The following GAS7 variants were observed in gnomAD, a reference collection of about 807,000 sequenced individuals.
GAS7 encodes growth arrest specific 7.
A neutral mutation model predicts 71.1 loss-of-function variants in GAS7; 28 were observed. The ratio of observed to expected loss-of-function variants is 0.39; its 90% CI spans 0.29 to 0.54. GAS7 has a LOEUF of 0.54. Ranked by LOEUF, GAS7 falls within the 20% of genes least tolerant of loss-of-function variation. The probability of loss-of-function intolerance (pLI) is 0.62; values close to 1 mark genes in which losing one functional copy is unlikely to be tolerated. For synonymous variants in GAS7, 258 were observed against 245.8 expected (o/e 1.05, Z -0.46); for missense variants, 436 against 627.8 (o/e 0.69, Z 3.27).
At chr17:9,928,303 T>C (rs573821406) in intron 9 of GAS7, among the ~76,000 whole-genome samples, 1 of 151,362 alleles carries the variant, frequency 6.6e-6, no homozygotes, top group Admixed American at 6.6e-5. Flanking sequence ...TTTGTATTTT[T>C]AGTAGAGATG....
intron 1 of GAS7, among the ~76,000 whole-genome samples, chr17:10,168,421 A>G (rs1017449094): frequency 1.3e-5 from 2 of 152,184 alleles, no homozygotes; most frequent in Non-Finnish European, 1.5e-5. Context: ...GGGTTTTTCA[A>G]CCTTTTTTCA....
At position 9,926,747 on chromosome 17, in the gene GAS7, G is replaced by A. The variant is rs139171324; in HGVS notation, c.908C>T (p.Pro303Leu). ...SAKLHSEVEK[P>L]LMNFRENFKK... Reference sequence around the variant, plus strand: ...GAAGTTCTCACGGAAGTTCATCAGGGGCTTCTCCACCTCGCTGTGAAGCTG... The same window carrying A: ...GAAGTTCTCACGGAAGTTCATCAGGAGCTTCTCCACCTCGCTGTGAAGCTG... Residue 303 changes from proline to leucine, a missense_variant, in exon 10 of 14, where the codon CCC becomes CTC. Coordinates refer to ENST00000432992, the MANE Select transcript of GAS7 (RefSeq NM_201433.2). This position sits in a 1 kb window ranked among gnomAD's most constrained non-coding sequence, Gnocchi z 5.0. The A allele has an allele frequency of 3.1e-6, 5 of 1,613,874 alleles. No individual in the cohort carries two copies. The African/African-American group carries it at 6.7e-5, about 22-fold the overall frequency.
At chr17:10,168,943 G>A (rs188242765) in intron 1 of GAS7, among the ~76,000 whole-genome samples, 214 of 145,974 alleles carry the variant, frequency 1.5e-3, no homozygotes, top group African/African-American at 5.1e-3. Flanking sequence ...GCACTCCAGC[G>A]TGGGCGACAG....
intron 1 of GAS7, among the ~76,000 whole-genome samples, chr17:10,127,639 C>A (rs2073961195): frequency 1.3e-5 from 2 of 152,188 alleles, no homozygotes; most frequent in Non-Finnish European, 2.9e-5. Context: ...CAGGAAAACA[C>A]CAGATCTTGC....
chr17:9,962,691 G>GA (rs1252236880), intron 4 of GAS7, among the ~76,000 whole-genome samples: 1 of 152,230 alleles, frequency 6.6e-6, no homozygotes, highest in African/African-American at 2.4e-5. Flanking sequence ...CAAGGATGCT[G>GA]AAAGCAGGGG....
chr17:9,965,306 C>CA (rs1223430067), intron 4 of GAS7, among the ~76,000 whole-genome samples: 3 of 152,038 alleles, frequency 2.0e-5, no homozygotes, highest in African/African-American at 7.3e-5. Flanking sequence ...GAAAATGTGG[C>CA]ATATATACAT....
rs1217521591 is a variant in GAS7, at chr17:9,926,001, G to C, written c.1015-402C>G. Among the ~76,000 whole-genome samples, 4 of 152,020 alleles carry C rather than the reference G, an allele frequency of 2.6e-5. No individual in the cohort carries two copies. Among genetic ancestry groups the C allele is most frequent in the Admixed American group, 2.6e-4 (4 of 15,248 alleles). On this transcript the variant is annotated intron_variant, in intron 10 of 13. Coordinates refer to ENST00000432992, the MANE Select transcript of GAS7 (RefSeq NM_201433.2). This position sits in a 1 kb window ranked among gnomAD's most constrained non-coding sequence, Gnocchi z 5.0. Reference sequence around the variant, plus strand: ...CAACAGCCCTCCCGTTCTGGAGCTGGACAAGCCTCGGCCCTCTTGTTCCCC... The same window carrying C: ...CAACAGCCCTCCCGTTCTGGAGCTGCACAAGCCTCGGCCCTCTTGTTCCCC...
chr17:10,058,822 A>T (rs2073183258), intron 1 of GAS7, among the ~76,000 whole-genome samples: 1 of 152,230 alleles, frequency 6.6e-6, no homozygotes, highest in Non-Finnish European at 1.5e-5. Context: ...GGGGAAATAG[A>T]GCCTCAGAAA....
At chr17:10,114,621 G>A (rs2073843022) in intron 1 of GAS7, 1 of 152,090 alleles carries the variant, frequency 6.6e-6, no homozygotes, top group South Asian at 2.1e-4. Context: ...CATCAGGGCT[G>A]TGTCCAATTA....
intron 1 of GAS7, among the ~76,000 whole-genome samples, chr17:10,183,656 G>A (rs546370952): frequency 1.8e-4 from 27 of 152,242 alleles, no homozygotes; most frequent in African/African-American, 4.8e-4. Context: ...TGGCTAACAC[G>A]GTGAAACCCC....
chr17:10,189,840 G>A (rs992509789), intron 1 of GAS7, among the ~76,000 whole-genome samples: 16 of 152,010 alleles, frequency 1.1e-4, no homozygotes, highest in African/African-American at 3.6e-4. Context: ...TTGGGAAGCT[G>A]AGGCATGAAA....
chr17:10,163,104 GA>G (rs964368745), intron 1 of GAS7, among the ~76,000 whole-genome samples: 3 of 151,518 alleles, frequency 2.0e-5, no homozygotes, highest in South Asian at 2.1e-4. Context: ...TCTCTACAAA[GA>G]AAAAAAAATT....
chr17:10,106,119 A>G (rs1451744429), intron 1 of GAS7, among the ~76,000 whole-genome samples: 1 of 151,524 alleles, frequency 6.6e-6, no homozygotes, highest in African/African-American at 2.4e-5. Context: ...TGTCATATCA[A>G]CTCCCGGTTC....
Position 9,934,186 on chromosome 17 carries a change from G to A in GAS7, c.865C>T (p.His289Tyr). The A allele has an allele frequency of 1.2e-6, 2 of 1,612,278 alleles. No individual in the cohort carries two copies. The highest frequency in any genetic ancestry group is 1.7e-6 in the Non-Finnish European group (2 of 1,178,362). ...KKSLADEAEV[H>Y]LKFSAKLHSE... ...GTTACCTTGGCAGAGAACTTGAGGTGAACTTCTGCTTCGTCCGCCAGGCTC... is the reference window on the plus strand; with the variant it reads ...GTTACCTTGGCAGAGAACTTGAGGTAAACTTCTGCTTCGTCCGCCAGGCTC... Residue 289 changes from histidine (H) to tyrosine (Y), a missense_variant, in exon 9 of 14, where the codon CAC becomes TAC. His to Tyr is a moderately conservative substitution (Grantham distance 83). Coordinates refer to ENST00000432992, the MANE Select transcript of GAS7 (RefSeq NM_201433.2).
At chr17:10,057,286 G>A (rs536162872) in intron 1 of GAS7, among the ~76,000 whole-genome samples, 18 of 151,520 alleles carry the variant, frequency 1.2e-4, no homozygotes, top group Middle Eastern at 3.4e-3. Context: ...CCCTCTGCCC[G>A]GCTGCCCAGT....
intron 1 of GAS7, among the ~76,000 whole-genome samples, chr17:10,163,679 G>A (rs1397606383): frequency 1.3e-5 from 2 of 152,062 alleles, no homozygotes; most frequent in Admixed American, 6.6e-5. Context: ...GTGCTGACAA[G>A]CTCTTGGTTC....
Position 9,959,698 on chromosome 17 carries a change from C to T in GAS7, c.472-443G>A, listed in dbSNP as rs2069402718. On this transcript the variant is annotated intron_variant, in intron 4 of 13. Transcript: ENST00000432992. The surrounding 1 kb of genome is among the most constrained non-coding windows in gnomAD (Gnocchi z 5.0). ...ATTTTATTCTGAAACCCCCCGGGTCCAAAACGTCAAACCTAAATACACACA... is the reference window on the plus strand; with the variant it reads ...ATTTTATTCTGAAACCCCCCGGGTCTAAAACGTCAAACCTAAATACACACA... 6.6e-6 allele frequency among the ~76,000 whole-genome samples: 1 copy of T among 152,132 alleles called. No homozygotes were observed. Among genetic ancestry groups the T allele is most frequent in the Non-Finnish European group, 1.5e-5 (1 of 68,022 alleles).
intron 1 of GAS7, among the ~76,000 whole-genome samples, chr17:10,132,821 G>A (rs1466022632): frequency 6.6e-6 from 1 of 152,034 alleles, no homozygotes; most frequent in Non-Finnish European, 1.5e-5. Context: ...AAAAGGCTGG[G>A]GGAGGGGCTT....
intron 1 of GAS7, among the ~76,000 whole-genome samples, chr17:10,071,592 T>C (rs2073340113): frequency 6.6e-6 from 1 of 152,088 alleles, no homozygotes. Flanking sequence ...AGTTTTGACT[T>C]AGCTTCAAGC....
Sources: allele counts gnomAD v4.1 joint callset (sites outside exome capture counted in the v4.1 genomes callset), GRCh38; gene constraint gnomAD v4.1.1; non-coding constraint Gnocchi (gnomAD v3.1); transcripts MANE v1.5; gene names NCBI Gene and HGNC (gene_info 2026-07-23, HGNC 2026-07-21).